The following BTBD16 variants were observed in gnomAD, a reference collection of about 807,000 sequenced individuals.
BTBD16 encodes the protein BTB domain containing 16, also known as BTB/POZ domain-containing protein 16.
BTBD16 carries 66 observed loss-of-function variants against 67.4 expected under a neutral mutation model. The observed-to-expected ratio is 0.98, with a 90% CI of 0.80 to 1.20. The LOEUF is 1.20. BTBD16 is among the 50% of genes most tolerant of loss of function. The pLI is 0.00. For synonymous variants in BTBD16, 242 were observed against 236.4 expected, an observed-to-expected ratio of 1.02 and a Z score of -0.22; for missense variants, 634 against 616.0, an observed-to-expected ratio of 1.03 and a Z score of -0.31.
rs143637448 is a variant in BTBD16 at position 122,279,511 on chromosome 10, A to AACACACACACACACACACACAC, written c.167+2586_167+2607dup. ...AATAAAAAAGAGACAGAGAAAGAGA[A>AACACACACACACACACACACAC]ACACACACACACACACACACACACA... On this transcript the variant is annotated intron_variant, in intron 3 of 15. Transcript: ENST00000260723. Among the ~76,000 whole-genome samples the AACACACACACACACACACACAC allele has an allele frequency of 3.9e-3, 565 of 143,954 alleles. 7 individuals are homozygous for AACACACACACACACACACACAC. Among genetic ancestry groups the AACACACACACACACACACACAC allele is most frequent in the African/African-American group, 6.6e-3 (259 of 39,064 alleles). 94.4% of individuals were successfully genotyped at this position (143,954 alleles called of 152,430 possible).
Position 122,290,987 on chromosome 10 carries a change from T to C in BTBD16, c.476-93T>C, listed in dbSNP as rs1195483727. The C allele has an allele frequency of 7.8e-6, 11 of 1,411,422 alleles. No individual in the cohort carries two copies. In the Admixed American group the frequency reaches 2.8e-4, roughly 37 times the overall value. The allele number at this position is 1,411,422 out of a possible 1,614,324, so 87.4% of individuals were successfully genotyped here. ...GGCGCATTTTCTCTAAGGGCACCTC[T>C]GCCTGCCCAGCTGCAGGAGTGAGGG... On this transcript the variant is annotated intron_variant, in intron 6 of 15. Transcript: ENST00000260723.
chr10:122,301,931 A>G (rs1175795783), intron 9 of BTBD16, among the ~76,000 whole-genome samples: 1 of 152,176 alleles, frequency 6.6e-6, no homozygotes, highest in Non-Finnish European at 1.5e-5. Flanking sequence ...CATGGAGGCC[A>G]AGGCTACCAG....
chr10:122,312,309 C>CTTTTTTTTTTTTTTTTTTT (rs58045019), intron 10 of BTBD16, among the ~76,000 whole-genome samples: 35 of 105,622 alleles, frequency 3.3e-4, no homozygotes, highest in Non-Finnish European at 5.0e-4. Context: ...TTTTCTTTTT[C>CTTTTTTTTTTTTTTTTTTT]TTTTTTTTTT....
intron 5 of BTBD16, among the ~76,000 whole-genome samples, chr10:122,288,828 T>G (rs1049442674): frequency 1.3e-5 from 2 of 151,964 alleles, no homozygotes; most frequent in African/African-American, 2.4e-5. Context: ...CCCCACACCA[T>G]CCCGAGGAGC....
At chr10:122,274,384 G>A (rs536646857) in intron 1 of BTBD16, among the ~76,000 whole-genome samples, 14 of 152,342 alleles carry the variant, frequency 9.2e-5, no homozygotes, top group African/African-American at 2.6e-4. Flanking sequence ...CTCCTGGTGC[G>A]TGCCACCCAG....
intron 9 of BTBD16, among the ~76,000 whole-genome samples, chr10:122,299,505 G>A (rs970880813): frequency 4.6e-5 from 7 of 151,892 alleles, no homozygotes; most frequent in Non-Finnish European, 1.0e-4. Context: ...CATCTCCGGC[G>A]CTGGCACCTC....
At position 122,298,905 on chromosome 10, in the gene BTBD16, T is replaced by C. The variant is rs1590066589; in HGVS notation, c.661-99T>C. The C allele has an allele frequency of 3.3e-6, 5 of 1,498,732 alleles. No homozygotes were observed. In the East Asian group the frequency reaches 1.1e-4, roughly 34 times the overall value. The allele number at this position is 1,498,732 out of a possible 1,614,324, so 92.8% of individuals were successfully genotyped here. A position where few individuals can be genotyped will look rare whatever the true frequency, so the allele number is the denominator to read the frequency against. On this transcript the variant is annotated intron_variant, in intron 8 of 15. Coordinates refer to ENST00000260723, the MANE Select transcript of BTBD16 (RefSeq NM_144587.5). ...AGAAAAGGTTTGAGCGCCTCTGCAG[T>C]GACTCTCCCTCTGAGCACACGTGTA... is the stretch of plus-strand genomic sequence containing the variant.
At chr10:122,328,087 A>G (rs1590096216) in intron 10 of BTBD16, among the ~76,000 whole-genome samples, 1 of 152,204 alleles carries the variant, frequency 6.6e-6, no homozygotes, top group Non-Finnish European at 1.5e-5. Context: ...CTGCCCAGCC[A>G]TGATGACGCC....
chr10:122,334,256 C>T (rs898760105), intron 13 of BTBD16, among the ~76,000 whole-genome samples: 6 of 147,550 alleles, frequency 4.1e-5, no homozygotes, highest in East Asian at 2.0e-4. Context: ...AGTGCAGTGG[C>T]GCAATCTCGG....
At chr10:122,309,337 T>C (rs1051891758) in intron 10 of BTBD16, among the ~76,000 whole-genome samples, 3 of 150,248 alleles carry the variant, frequency 2.0e-5, no homozygotes, top group Non-Finnish European at 2.9e-5. Flanking sequence ...TGTTTGTTTT[T>C]TGGTTTTTGT....
At chr10:122,320,303 C>A (rs1304500496) in intron 10 of BTBD16, among the ~76,000 whole-genome samples, 3 of 151,948 alleles carry the variant, frequency 2.0e-5, no homozygotes, top group African/African-American at 7.2e-5. Flanking sequence ...TTTAATCTTT[C>A]ATTATTAAAT....
intron 1 of BTBD16, among the ~76,000 whole-genome samples, chr10:122,271,879 C>T (rs182758343): frequency 6.6e-6 from 1 of 152,156 alleles, no homozygotes; most frequent in Admixed American, 6.5e-5. Context: ...GAGTGCAAAC[C>T]CCAGCCTCCC....
At chr10:122,322,046 T>G (rs1321224096) in intron 10 of BTBD16, among the ~76,000 whole-genome samples, 1 of 152,174 alleles carries the variant, frequency 6.6e-6, no homozygotes, top group African/African-American at 2.4e-5. Flanking sequence ...CCTCTTTTCA[T>G]ATCAGATATT....
chr10:122,309,672 C>T (rs2096410211), intron 10 of BTBD16, among the ~76,000 whole-genome samples: 2 of 152,072 alleles, frequency 1.3e-5, no homozygotes, highest in African/African-American at 4.8e-5. Context: ...AACAGGGCCA[C>T]TCTGTTGCCC....
At chr10:122,331,866 C>T (rs2096455707) in intron 12 of BTBD16, 1 of 155,302 alleles carries the variant, frequency 6.4e-6, no homozygotes, top group African/African-American at 2.4e-5. Flanking sequence ...GTGCTCAGCG[C>T]TCCCCGCACC....
intron 14 of BTBD16, among the ~76,000 whole-genome samples, chr10:122,336,251 C>T (rs2096463075): frequency 6.6e-6 from 1 of 152,182 alleles, no homozygotes; most frequent in South Asian, 2.1e-4. Context: ...TAAAGCTTGA[C>T]TTGATGGTGT....
At chr10:122,325,549 G>T (rs1200689451) in intron 10 of BTBD16, among the ~76,000 whole-genome samples, 1 of 151,980 alleles carries the variant, frequency 6.6e-6, no homozygotes, top group Non-Finnish European at 1.5e-5. Flanking sequence ...TGTGACAGGG[G>T]TTCTAAAATG....
chr10:122,298,001 T>A (rs1461568186), intron 8 of BTBD16, among the ~76,000 whole-genome samples, 164 bp downstream of exon 8: 3 of 152,092 alleles, frequency 2.0e-5, no homozygotes, highest in South Asian at 2.1e-4. Flanking sequence ...TTTTTTTTTT[T>A]AAACCATCAT....
intron 9 of BTBD16, among the ~76,000 whole-genome samples, chr10:122,303,077 A>G (rs905606918): frequency 4.6e-5 from 7 of 152,254 alleles, no homozygotes; most frequent in African/African-American, 1.4e-4. Flanking sequence ...GTATAAAGGT[A>G]GAATTATAAT....
Sources: gnomAD v4.1 joint callset for allele counts (sites outside exome capture counted in the v4.1 genomes callset) on GRCh38, gnomAD v4.1.1 for gene constraint, MANE v1.5 for transcripts, NCBI Gene and HGNC (gene_info 2026-07-23, HGNC 2026-07-21) for gene names.